LNX1: variants seen among roughly 807,000 people sequenced by gnomAD.
LNX1 encodes ligand of numb-protein X 1.
Under a neutral mutation model 68.4 loss-of-function variants are expected in LNX1, and 54 were observed. The ratio of observed to expected loss-of-function variants is 0.79; its 90% CI spans 0.63 to 0.99. LNX1 has a LOEUF of 0.99. LNX1 is among the 50% of genes least tolerant of loss of function. The pLI, the probability that LNX1 is intolerant of heterozygous loss-of-function variation, is 0.00. For synonymous variants in LNX1, 336 were observed against 350.0 expected, an observed-to-expected ratio of 0.96 and a Z score of 0.45; for missense variants, 906 against 926.4, an observed-to-expected ratio of 0.98 and a Z score of 0.29.
chr4:53,498,676 C>T lies in LNX1; in HGVS notation c.943G>A (p.Asp315Asn). The T allele has an allele frequency of 6.2e-7, 1 of 1,614,082 alleles. No homozygotes were observed. The highest frequency in any genetic ancestry group is 8.5e-7 in the Non-Finnish European group (1 of 1,179,958). ...HIYRDGVIAR[D>N]GRLLPGDIIL... The stretch of plus-strand genomic sequence containing the variant: ...ATGTCTCCTGGCAGTAGCCGGCCGT[C>T]TCTGGCGATCACCCCATCACGATAA... The change falls in exon 5 of 11, where the codon GAC (aspartate) becomes AAC (asparagine). Residue 315 changes from aspartate to asparagine, a missense_variant. Physicochemically the swap from Asp to Asn is conservative, Grantham distance 23. Coordinates refer to ENST00000263925, the MANE Select transcript of LNX1 (RefSeq NM_001126328.3).
chr4:53,640,958 C>T (rs911327580), intron 1 of LNX1, among the ~76,000 whole-genome samples: 5 of 152,184 alleles, frequency 3.3e-5, no homozygotes, highest in Admixed American at 2.0e-4. Context: ...AATCCCTGGC[C>T]GGGGCTGAGG....
chr4:53,489,453 T>G (rs1472959523), intron 6 of LNX1, among the ~76,000 whole-genome samples: 1 of 152,202 alleles, frequency 6.6e-6, no homozygotes, highest in Admixed American at 6.5e-5. Context: ...ATTTAGTTCT[T>G]GAGTCCCTGA....
At chr4:53,498,562 T>C in intron 5 of LNX1, 79 bp downstream of exon 5, 1 of 947,144 alleles carries the variant, frequency 1.1e-6, no homozygotes, top group Non-Finnish European at 1.7e-6. Context: ...CATTCATCCA[T>C]CCATCTATCC....
Position 53,460,179 on chromosome 4 carries a change from CTT to C in LNX1, c.*726_*727del. 5.1e-6 allele frequency: 1 copy of C among 197,416 alleles called. No homozygotes were observed. Among genetic ancestry groups the C allele is most frequent in the Middle Eastern group, 1.8e-3 (1 of 568 alleles). 12.2% of individuals were successfully genotyped at this position (197,416 alleles called of 1,614,324 possible). On this transcript the variant is annotated 3_prime_UTR_variant, in exon 11 of 11. Coordinates refer to ENST00000263925, the MANE Select transcript of LNX1 (RefSeq NM_001126328.3). ...GCCAGGGTCAAGCTGGTTTGGCCTT[CTT>C]GATGCATTTTCCAAGGCCCACTGGT... is the stretch of plus-strand genomic sequence containing the variant.
In LNX1 at chr4:53,544,446, G is replaced by A. The variant is rs138467169; in HGVS notation, c.380+29177C>T. ...CTGAACTCAGGTGATCCACCCCTTCGGCCTCCCAAAGTGCTGGGATTACAG... is the reference window on the plus strand; with the variant it reads ...CTGAACTCAGGTGATCCACCCCTTCAGCCTCCCAAAGTGCTGGGATTACAG... On this transcript the variant is annotated intron_variant, in intron 2 of 10. Transcript: ENST00000263925. Among the ~76,000 whole-genome samples the A allele has an allele frequency of 1.9e-4, 29 of 151,878 alleles. No homozygotes were observed. The East Asian group carries it at 4.7e-3, about 24-fold the overall frequency.
intron 2 of LNX1, among the ~76,000 whole-genome samples, chr4:53,569,829 C>A: frequency 7.5e-6 from 1 of 133,580 alleles, no homozygotes. Context: ...AAAAAACAAA[C>A]AACCCCATCA....
At chr4:53,643,308 G>A (rs955696445) in intron 1 of LNX1, among the ~76,000 whole-genome samples, 6 of 151,972 alleles carry the variant, frequency 3.9e-5, no homozygotes, top group African/African-American at 1.5e-4. Context: ...ATGCCACCAT[G>A]CCAGCTAATT....
At chr4:53,472,688 A>ACAAC (rs1723298493) in intron 9 of LNX1, among the ~76,000 whole-genome samples, 1 of 122,272 alleles carries the variant, frequency 8.2e-6, no homozygotes, top group African/African-American at 3.0e-5. Flanking sequence ...ACAACAACAA[A>ACAAC]AAAAAAAAAA....
intron 2 of LNX1, among the ~76,000 whole-genome samples, chr4:53,510,778 C>A (rs1726273089): frequency 6.6e-6 from 1 of 152,208 alleles, no homozygotes; most frequent in Non-Finnish European, 1.5e-5. Context: ...GGCAGCAATG[C>A]TCTTGACCAT....
chr4:53,506,223 G>T (rs1189262468), intron 4 of LNX1, among the ~76,000 whole-genome samples: 5 of 152,054 alleles, frequency 3.3e-5, no homozygotes, highest in African/African-American at 1.2e-4. Flanking sequence ...ATCCCTCTGG[G>T]TCTCCGTTTT....
At chr4:53,647,359 T>C (rs1334051295) in intron 1 of LNX1, among the ~76,000 whole-genome samples, 2 of 152,190 alleles carry the variant, frequency 1.3e-5, no homozygotes, top group Non-Finnish European at 2.9e-5. Flanking sequence ...TTAATCTTAT[T>C]TGTTTTAGGA....
intron 8 of LNX1, 58 bp downstream of exon 8, chr4:53,478,507 A>G: frequency 6.9e-7 from 1 of 1,442,650 alleles, no homozygotes; most frequent in Non-Finnish European, 9.5e-7. Flanking sequence ...CTAACAAGCT[A>G]CTAATTTCTC....
intron 2 of LNX1, among the ~76,000 whole-genome samples, chr4:53,564,896 C>T (rs1290035731): frequency 2.6e-5 from 4 of 152,232 alleles, no homozygotes; most frequent in South Asian, 2.1e-4. Context: ...CAGACAGCAC[C>T]GGGAAAATCA....
intron 2 of LNX1, among the ~76,000 whole-genome samples, chr4:53,571,835 A>G (rs1360492251): frequency 6.6e-6 from 1 of 151,820 alleles, no homozygotes; most frequent in African/African-American, 2.4e-5. Context: ...TAATTTTTAA[A>G]TTTTTTATAG....
chr4:53,588,766 A>G (rs572158494), intron 1 of LNX1, among the ~76,000 whole-genome samples: 30 of 152,312 alleles, frequency 2.0e-4, no homozygotes, highest in African/African-American at 6.5e-4. Flanking sequence ...CTAGTAGAAC[A>G]GTAGAACCCA....
intron 2 of LNX1, among the ~76,000 whole-genome samples, chr4:53,554,707 C>T (rs1560662764): frequency 2.0e-5 from 3 of 152,092 alleles, no homozygotes. Context: ...CAAAAATTAG[C>T]TGGGTGTGGT....
intron 2 of LNX1, among the ~76,000 whole-genome samples, chr4:53,566,218 G>A (rs2109754783): frequency 1.3e-5 from 2 of 151,764 alleles, no homozygotes; most frequent in South Asian, 4.2e-4. Flanking sequence ...AAGTTGAAAT[G>A]AAGGAAAAAA....
intron 9 of LNX1, among the ~76,000 whole-genome samples, chr4:53,470,819 A>C (rs949986115): frequency 6.6e-6 from 1 of 151,966 alleles, no homozygotes; most frequent in Admixed American, 6.6e-5. Flanking sequence ...ACTACAAACC[A>C]CTGCTCAATG....
chr4:53,468,979 A>C (rs540183014), intron 9 of LNX1, among the ~76,000 whole-genome samples: 4 of 152,350 alleles, frequency 2.6e-5, no homozygotes, highest in African/African-American at 7.2e-5. Context: ...TCAGCTCTGC[A>C]CCAAGCAGAC....
Sources: gnomAD v4.1 joint callset for allele counts (sites outside exome capture counted in the v4.1 genomes callset) on GRCh38, gnomAD v4.1.1 for gene constraint, MANE v1.5 for transcripts, NCBI Gene and HGNC (gene_info 2026-07-23, HGNC 2026-07-21) for gene names.